Variants in ERICH6B observed in about 807,000 individuals in gnomAD.
ERICH6B encodes glutamate-rich protein 6B.
In ERICH6B, 69 loss-of-function variants were observed where a neutral mutation model predicts 80.0. The observed-to-expected ratio is 0.86, with a 90% confidence interval of 0.71 to 1.05. ERICH6B has a LOEUF of 1.05. Ranked by LOEUF, ERICH6B falls within the 50% of genes least tolerant of loss-of-function variation. ERICH6B has a pLI of 0.00. For missense variants in ERICH6B, 754 were observed against 796.1 expected (o/e 0.95, Z 0.64); for synonymous variants, 283 against 291.9 (o/e 0.97, Z 0.31).
chr13:45,567,525 T>G (rs1043537949), intron 9 of ERICH6B, among the ~76,000 whole-genome samples: 1 of 152,150 alleles, frequency 6.6e-6, no homozygotes, highest in African/African-American at 2.4e-5. Context: ...TGATGGTTAT[T>G]ATAAGGAGGA....
chr13:45,587,914 A>G (rs960804828), intron 4 of ERICH6B, among the ~76,000 whole-genome samples: 2 of 152,184 alleles, frequency 1.3e-5, no homozygotes. Context: ...AACTGGCCCA[A>G]TTGGCAGAGA....
At position 45,583,264 on chromosome 13, in the gene ERICH6B, C is replaced by G. The variant is rs139908293; in HGVS notation, c.857-2599G>C. On this transcript the variant is annotated intron_variant, in intron 5 of 14. Transcript: ENST00000298738. Reference sequence around the variant, plus strand: ...ACTACACTAAACAGTACTAGCCTGTCTGTCTTGACTTTTTTTGGCTCAATT... The same window carrying G: ...ACTACACTAAACAGTACTAGCCTGTGTGTCTTGACTTTTTTTGGCTCAATT... Among the ~76,000 whole-genome samples the G allele has an allele frequency of 7.2e-3, 1,098 of 152,332 alleles. 50 individuals are homozygous for G. The highest frequency in any genetic ancestry group is 0.068 in the Admixed American group (1,042 of 15,294).
intron 1 of ERICH6B, among the ~76,000 whole-genome samples, chr13:45,610,023 C>T (rs1027535829): frequency 2.4e-4 from 37 of 152,282 alleles, no homozygotes; most frequent in African/African-American, 8.4e-4. Flanking sequence ...CCAAACTCAA[C>T]CACCTTTGTA....
intron 11 of ERICH6B, among the ~76,000 whole-genome samples, chr13:45,557,056 C>T (rs1054041987): frequency 5.9e-5 from 9 of 152,174 alleles, no homozygotes; most frequent in African/African-American, 2.2e-4. Context: ...TTCCCCCCAG[C>T]AGTGTAGAAG....
At chr13:45,570,744 T>G (rs1875121459) in intron 8 of ERICH6B, among the ~76,000 whole-genome samples, 1 of 152,190 alleles carries the variant, frequency 6.6e-6, no homozygotes, top group African/African-American at 2.4e-5. Context: ...GCAGGTTCCG[T>G]GTGACATTCA....
At chr13:45,552,000 C>A (rs1593774629) in intron 11 of ERICH6B, among the ~76,000 whole-genome samples, 1 of 152,178 alleles carries the variant, frequency 6.6e-6, no homozygotes, top group South Asian at 2.1e-4. Context: ...TAACATTCCC[C>A]TCAATTTACT....
intron 11 of ERICH6B, chr13:45,553,056 A>C (rs775093289): frequency 7.3e-6 from 2 of 273,014 alleles, no homozygotes; most frequent in South Asian, 3.7e-5. Flanking sequence ...AGAAAAAAGC[A>C]GTTTTCTGGA....
At chr13:45,578,520 A>G (rs1875519651) in intron 7 of ERICH6B, among the ~76,000 whole-genome samples, 1 of 152,236 alleles carries the variant, frequency 6.6e-6, no homozygotes, top group Non-Finnish European at 1.5e-5. Context: ...AGTGATTAGT[A>G]AGCAACTAGC....
intron 13 of ERICH6B, among the ~76,000 whole-genome samples, chr13:45,546,716 C>A (rs117482297): frequency 0.044 from 6,625 of 152,200 alleles, 219 homozygotes; most frequent in Non-Finnish European, 0.074. Flanking sequence ...GTTTGTCTGC[C>A]TTGTTTGGTT....
chr13:45,589,978 C>A (rs555097636), intron 4 of ERICH6B, among the ~76,000 whole-genome samples: 1 of 152,292 alleles, frequency 6.6e-6, no homozygotes, highest in East Asian at 1.9e-4. Context: ...TATGGGTCCC[C>A]TACTTGGCAA....
rs139929435 is a variant in ERICH6B, at chr13:45,545,627, A to C, written c.1647-642T>G. On this transcript the variant is annotated intron_variant, in intron 13 of 14. Coordinates refer to ENST00000298738, the MANE Select transcript of ERICH6B (RefSeq NM_182542.3). ...TTTAATTTTTATTTTACAAAAGAGA[A>C]TAGGAGGCTCAGAAGTGTCATGTGA... 2.4e-3 allele frequency among the ~76,000 whole-genome samples: 365 copies of C among 152,330 alleles called. 1 individual carries two copies. Among genetic ancestry groups the C allele is most frequent in the African/African-American group, 8.6e-3 (358 of 41,572 alleles).
intron 9 of ERICH6B, among the ~76,000 whole-genome samples, chr13:45,564,977 T>C (rs2137980667): frequency 6.6e-6 from 1 of 152,344 alleles, no homozygotes; most frequent in South Asian, 2.1e-4. Context: ...TGCACTCTAC[T>C]GTATCCCTAG....
chr13:45,583,686 TG>T (rs1358061266), intron 5 of ERICH6B, among the ~76,000 whole-genome samples: 1 of 152,218 alleles, frequency 6.6e-6, no homozygotes, highest in Non-Finnish European at 1.5e-5. Context: ...CTTGTAGTGA[TG>T]AATAAGTCTC....
At chr13:45,580,545 C>G in intron 6 of ERICH6B, 58 bp downstream of exon 6, 1 of 1,527,820 alleles carries the variant, frequency 6.5e-7, no homozygotes. Flanking sequence ...TGCTTCTTAC[C>G]TTCTCTGGGA....
chr13:45,591,655 A>G (rs2138016057), intron 3 of ERICH6B, among the ~76,000 whole-genome samples: 1 of 152,300 alleles, frequency 6.6e-6, no homozygotes, highest in Non-Finnish European at 1.5e-5. Context: ...ACATGGGCAA[A>G]TGGTGAAGTT....
chr13:45,588,111 C>A (rs1472475947), intron 4 of ERICH6B, among the ~76,000 whole-genome samples: 1 of 152,216 alleles, frequency 6.6e-6, no homozygotes, highest in South Asian at 2.1e-4. Context: ...GGCCTGTCCC[C>A]ATCTGCACCA....
intron 9 of ERICH6B, among the ~76,000 whole-genome samples, chr13:45,566,577 T>C (rs545176152): frequency 3.9e-5 from 6 of 152,382 alleles, no homozygotes; most frequent in Admixed American, 3.9e-4. Flanking sequence ...TCAGAGGGTG[T>C]AAACCCCAAG....
chr13:45,598,292 G>A (rs1593325779), intron 2 of ERICH6B, among the ~76,000 whole-genome samples: 1 of 152,088 alleles, frequency 6.6e-6, no homozygotes, highest in Non-Finnish European at 1.5e-5. Context: ...TGGTTAGCTC[G>A]GAGCCTGGTG....
At chr13:45,544,513 T>C (rs1873913781) in intron 14 of ERICH6B, among the ~76,000 whole-genome samples, 1 of 152,236 alleles carries the variant, frequency 6.6e-6, no homozygotes, top group African/African-American at 2.4e-5. Flanking sequence ...CAAGTCATTC[T>C]TCCCAGCTAA....
Sources: gnomAD v4.1 joint callset for allele counts (sites outside exome capture counted in the v4.1 genomes callset) on GRCh38, gnomAD v4.1.1 for gene constraint, MANE v1.5 for transcripts, NCBI Gene and HGNC (gene_info 2026-07-23, HGNC 2026-07-21) for gene names.